The following DGKQ variants were observed in gnomAD, a reference collection of about 807,000 sequenced individuals.
The protein encoded by DGKQ is diacylglycerol kinase theta, also known as DAG kinase theta.
In DGKQ, 97 loss-of-function variants were observed where a neutral mutation model predicts 104.2. The observed-to-expected ratio is 0.93, with a 90% CI of 0.79 to 1.10. The LOEUF is 1.10. Among genes scored for constraint, DGKQ ranks in the 50% least tolerant of loss-of-function variants. The pLI, the probability that DGKQ is intolerant of heterozygous loss-of-function variation, is 0.00. For missense variants in DGKQ, 1,465 were observed against 1,352.1 expected (o/e 1.08, Z -1.31); for synonymous variants, 736 against 595.2 (o/e 1.24, Z -3.44).
At position 967,281 on chromosome 4, in the gene DGKQ, G is replaced by A. The variant is rs1187907156; in HGVS notation, c.1068C>T (p.Ala356=). The part of the protein sequence containing the change: ...ELCRLPPSSQ[A]CDAWAGGKAG... Reference sequence around the variant, plus strand: ...CCTTGCCCCCAGCCCAGGCGTCACAGGCCTGAGAGGAAGGGGGCAGCCGGC... The same window carrying A: ...CCTTGCCCCCAGCCCAGGCGTCACAAGCCTGAGAGGAAGGGGGCAGCCGGC... Residue 356 remains alanine, a synonymous_variant, in exon 9 of 23, where the codon GCC becomes GCT. Transcript: ENST00000273814. 8.4e-6 allele frequency: 13 copies of A among 1,548,350 alleles called. No individual in the cohort carries two copies. The highest frequency in any genetic ancestry group is 4.1e-5 in the African/African-American group (3 of 73,360).
chr4:966,378 C>T (rs982269914), intron 12 of DGKQ, 88 bp downstream of exon 12: 9 of 1,422,976 alleles, frequency 6.3e-6, no homozygotes, highest in African/African-American at 1.4e-5. Context: ...AAGGAGAACT[C>T]GGCGTCTGGG....
intron 8 of DGKQ, 93 bp from the exon 9 acceptor site, chr4:967,454 G>C (rs1307375847): frequency 2.1e-6 from 3 of 1,440,812 alleles, no homozygotes; most frequent in Non-Finnish European, 2.8e-6. Flanking sequence ...AGGTGGGTGA[G>C]GGGCGCCAGG....
intron 18 of DGKQ, 145 bp from the exon 19 acceptor site, chr4:962,227 G>A (rs1204992907): frequency 1.1e-6 from 1 of 881,538 alleles, no homozygotes; most frequent in Non-Finnish European, 1.7e-6. Flanking sequence ...AGCATGGGCA[G>A]GTCCTGGCCA....
chr4:962,323 G>A, intron 18 of DGKQ, 112 bp downstream of exon 18: 1 of 1,122,496 alleles, frequency 8.9e-7, no homozygotes, highest in Non-Finnish European at 1.3e-6. Context: ...CAGAGGGGAT[G>A]ATGCGGGCGC....
chr4:961,024 G>A, intron 22 of DGKQ, 25 bp downstream of exon 22: 4 of 1,610,410 alleles, frequency 2.5e-6, no homozygotes, highest in African/African-American at 1.3e-5. Context: ...CACCTCCCCT[G>A]GCTCTCCAGC....
At position 966,524 on chromosome 4, in the gene DGKQ, T is replaced by C; in HGVS notation, c.1370A>G (p.Gln457Arg). 6 of 1,612,150 alleles carry C rather than the reference T, an allele frequency of 3.7e-6. No homozygotes were observed. The highest frequency in any genetic ancestry group is 5.1e-6 in the Non-Finnish European group (6 of 1,179,504). ...CTGTTCGTCCATCAGCATCGTCCGC[T>C]GGACTGCAGAGGTGAGGGCACAGGC... ...VEVAMGCRHV[Q>R]RTMLMDEQPL... The change falls in exon 12 of 23, where the codon CAG becomes CGG. Residue 457 changes from glutamine (Q) to arginine (R), a missense_variant. Gln to Arg is a conservative substitution (Grantham distance 43). Coordinates refer to ENST00000273814, the MANE Select transcript of DGKQ (RefSeq NM_001347.4).
intron 13 of DGKQ, 25 bp downstream of exon 13, chr4:965,903 C>A: frequency 6.4e-7 from 1 of 1,571,278 alleles, no homozygotes; most frequent in Non-Finnish European, 8.7e-7. Flanking sequence ...TGCCAGCAGC[C>A]CACGGCCAGC....
chr4:965,127 C>T (rs1712199754), intron 15 of DGKQ, 49 bp downstream of exon 15: 1 of 1,537,234 alleles, frequency 6.5e-7, no homozygotes, highest in East Asian at 2.3e-5. Context: ...CGACCTCCCT[C>T]TGGCCACCCC....
chr4:966,689 G>T, intron 11 of DGKQ, 59 bp downstream of exon 11: 1 of 1,553,706 alleles, frequency 6.4e-7, no homozygotes, highest in African/African-American at 1.4e-5. Flanking sequence ...AGCCTGGGCA[G>T]CAGGTCCAAA....
rs1711906805 is a variant in DGKQ, at chr4:961,766, T to C, written c.2384A>G (p.Lys795Arg). Residue 795 changes from lysine to arginine, a missense_variant, in exon 20 of 23, where the codon AAG becomes AGG. Coordinates refer to ENST00000273814, the MANE Select transcript of DGKQ (RefSeq NM_001347.4). ...CCGCTCCACCTGCAGCCGGATCTGCTTGTGCAGGCTCCGAGAGTGACTGAT... is the reference window on the plus strand; with the variant it reads ...CCGCTCCACCTGCAGCCGGATCTGCCTGTGCAGGCTCCGAGAGTGACTGAT... ...QKISHSRSLH[K>R]QIRLQVERQE... The C allele has an allele frequency of 1.9e-6, 3 of 1,612,366 alleles. No individual in the cohort carries two copies. The highest frequency in any genetic ancestry group is 1.3e-5 in the African/African-American group (1 of 75,034).
In DGKQ at chr4:967,181, G is replaced by A. The variant is rs769704049; in HGVS notation, c.1168C>T (p.Arg390Trp). ...GEATPEAWVI[R>W]ALPRAQEVLK... The stretch of plus-strand genomic sequence containing the variant: ...ACCTCCTGGGCCCGCGGCAGAGCCC[G>A]GATGACCCAGGCCTCTGGCGTGGCC... The change falls in exon 9 of 23, where the codon CGG becomes TGG. Residue 390 changes from arginine (R) to tryptophan (W), a missense_variant. By Grantham distance (101) the Arg-to-Trp change is moderately radical. Coordinates refer to ENST00000273814, the MANE Select transcript of DGKQ (RefSeq NM_001347.4). 8.8e-6 allele frequency: 14 copies of A among 1,598,720 alleles called. No homozygotes were observed. Among genetic ancestry groups the A allele is most frequent in the Middle Eastern group, 3.3e-4 (2 of 6,050 alleles).
intron 15 of DGKQ, among the ~76,000 whole-genome samples, chr4:964,383 T>A (rs968120348): frequency 6.6e-6 from 1 of 152,194 alleles, no homozygotes; most frequent in Non-Finnish European, 1.5e-5. Flanking sequence ...TGGGGGGTCC[T>A]CATGGGACCC....
intron 1 of DGKQ, among the ~76,000 whole-genome samples, chr4:972,659 C>T (rs1034418741): frequency 4.6e-5 from 7 of 152,174 alleles, no homozygotes; most frequent in Admixed American, 2.0e-4. Context: ...CCCCGGGGCC[C>T]GCCTGCTTGC....
In DGKQ at chr4:963,165, G is replaced by A; in HGVS notation, c.1860C>T (p.Asp620=). The change falls in exon 16 of 23, where the codon GAC becomes GAT. Residue 620 remains aspartate (D), a synonymous_variant. Coordinates refer to ENST00000273814, the MANE Select transcript of DGKQ (RefSeq NM_001347.4). ...RKLLNPHQVF[D]LTNGGPLPGL... ...CGGGAAGAGGACCTCCGTTGGTCAG[G>A]TCGAAGACCTGATGAGGGTTCAGTA... 1 of 1,607,806 alleles carries A rather than the reference G, an allele frequency of 6.2e-7. No individual in the cohort carries two copies. The highest frequency in any genetic ancestry group is 8.5e-7 in the Non-Finnish European group (1 of 1,175,978).
chr4:966,650 C>T, intron 11 of DGKQ, 98 bp downstream of exon 11: 1 of 1,506,804 alleles, frequency 6.6e-7, no homozygotes, highest in Non-Finnish European at 9.0e-7. Context: ...CAGAGCCCGG[C>T]CTTGATGTCC....
rs761563900 is a variant in DGKQ, at chr4:962,469, G to A, written c.2180C>T (p.Ala727Val). 4.4e-6 allele frequency: 7 copies of A among 1,602,962 alleles called. No individual in the cohort carries two copies. Among genetic ancestry groups the A allele is most frequent in the Non-Finnish European group, 5.9e-6 (7 of 1,178,068 alleles). The change falls in exon 18 of 23, where the codon GCA becomes GTA. Residue 727 changes from alanine to valine, a missense_variant. Physicochemically the swap from Ala to Val is moderately conservative, Grantham distance 64 (BLOSUM62 0). Coordinates refer to ENST00000273814, the MANE Select transcript of DGKQ (RefSeq NM_001347.4). The part of the protein sequence containing the change: ...ILLDAHEAGS[A>V]ENDTADAEPP... Reference sequence around the variant, plus strand: ...CTCTGCGTCTGCCGTGTCGTTCTCTGCACTGCCAGCCTCGTGGGCATCCAG... The same window carrying A: ...CTCTGCGTCTGCCGTGTCGTTCTCTACACTGCCAGCCTCGTGGGCATCCAG...
chr4:969,582 G>A (rs538692982), intron 2 of DGKQ, among the ~76,000 whole-genome samples: 3 of 152,172 alleles, frequency 2.0e-5, no homozygotes, highest in South Asian at 2.1e-4. Context: ...CCAGGATGGC[G>A]GGTGACTTTT....
intron 2 of DGKQ, 104 bp from the exon 3 acceptor site, chr4:969,014 G>A (rs1712711089): frequency 5.3e-6 from 4 of 751,104 alleles, no homozygotes; most frequent in Non-Finnish European, 8.5e-6. Context: ...CGCTCCTGCT[G>A]AGAACTGCCC....
rs1309666179 is a variant in DGKQ at position 968,031 on chromosome 4, G to T, written c.664-4C>A. The T allele has an allele frequency of 2.1e-6, 3 of 1,424,982 alleles. No homozygotes were observed. Among genetic ancestry groups the T allele is most frequent in the South Asian group, 3.0e-5 (2 of 66,322 alleles). 88.3% of individuals were successfully genotyped at this position (1,424,982 alleles called of 1,614,324 possible). A position where few individuals can be genotyped will look rare whatever the true frequency, so the allele number is the denominator to read the frequency against. Reference sequence around the variant, plus strand: ...CCGCGGAGCAGAGGGAGTGCGCCTGGGGGGAGAAGGGCCTGAGCTGGGGGG... The same window carrying T: ...CCGCGGAGCAGAGGGAGTGCGCCTGTGGGGAGAAGGGCCTGAGCTGGGGGG... On this transcript the variant is annotated splice_region_variant and splice_polypyrimidine_tract_variant and intron_variant, in intron 5 of 22. Transcript: ENST00000273814.
Sources: allele counts gnomAD v4.1 joint callset (sites outside exome capture counted in the v4.1 genomes callset), GRCh38; gene constraint gnomAD v4.1.1; transcripts MANE v1.5; gene names NCBI Gene and HGNC (gene_info 2026-07-23, HGNC 2026-07-21).